Variants in CACNG2 observed in about 807,000 individuals in gnomAD.
The protein encoded by CACNG2 is calcium voltage-gated channel auxiliary subunit gamma 2.
CACNG2 carries 3 observed loss-of-function variants against 25.9 expected under a neutral mutation model. The observed-to-expected ratio is 0.12, with a 90% CI of 0.05 to 0.30. The LOEUF is 0.30. Ranked by LOEUF, CACNG2 falls within the 10% of genes least tolerant of loss-of-function variation. The pLI is 1.00. For synonymous variants in CACNG2, 167 were observed against 173.3 expected (o/e 0.96, Z 0.29); for missense variants, 341 against 432.5 (o/e 0.79, Z 1.88).
At chr22:36,565,625 C>A (rs928208001) in intron 3 of CACNG2, among the ~76,000 whole-genome samples, 12 of 152,116 alleles carry the variant, frequency 7.9e-5, no homozygotes, top group African/African-American at 2.9e-4. Flanking sequence ...ATTATGTATG[C>A]GTCACCATGC....
intron 1 of CACNG2, among the ~76,000 whole-genome samples, chr22:36,644,690 AT>A (rs1271482900): frequency 2.0e-5 from 3 of 152,246 alleles, no homozygotes; most frequent in African/African-American, 7.2e-5. Flanking sequence ...TAAAATGGAA[AT>A]AATAATAATA....
chr22:36,595,727 C>T (rs1220431342), intron 1 of CACNG2, among the ~76,000 whole-genome samples: 1 of 152,174 alleles, frequency 6.6e-6, no homozygotes, highest in African/African-American at 2.4e-5. Flanking sequence ...GACTCTCCCA[C>T]CATGAACTAT....
rs34178354 is a variant in CACNG2, at chr22:36,606,757, CGT to C, written c.212-19211_212-19210del. 0.26 allele frequency among the ~76,000 whole-genome samples: 38,654 copies of C among 147,768 alleles called. 5,208 individuals are homozygous for C. The highest frequency in any genetic ancestry group is 0.48 in the East Asian group (2,426 of 5,006). ...ACGGAAACCAGACGGTTGGGCTGTG[CGT>C]GTGTGTGTGTGTGTGTGTGTATGTG... On this transcript the variant is annotated intron_variant, in intron 1 of 3. Coordinates refer to ENST00000300105, the MANE Select transcript of CACNG2 (RefSeq NM_006078.5). The surrounding 1 kb of genome is among the most constrained non-coding windows in gnomAD (Gnocchi z 5.7).
chr22:36,588,067 G>T (rs1242023836), intron 1 of CACNG2, among the ~76,000 whole-genome samples: 2 of 152,196 alleles, frequency 1.3e-5, no homozygotes, highest in African/African-American at 4.8e-5. Flanking sequence ...ACCAAACCCA[G>T]CCGCCAACTG....
At chr22:36,576,804 G>A (rs1935324147) in intron 2 of CACNG2, among the ~76,000 whole-genome samples, 1 of 152,156 alleles carries the variant, frequency 6.6e-6, no homozygotes, top group African/African-American at 2.4e-5. Flanking sequence ...TGGGGACACT[G>A]ATCATCTCAC....
chr22:36,564,323 C>A lies in CACNG2; in HGVS notation c.*28G>T. On this transcript the variant is annotated 3_prime_UTR_variant, in exon 4 of 4. Transcript: ENST00000300105. The surrounding 1 kb of genome is among the most constrained non-coding windows in gnomAD (Gnocchi z 6.7). ...GCCCCCGGGGACCGCGCCCTCCTCC[C>A]GCGGTCTTCTGGCGAGGCCCGCGGT... is the stretch of plus-strand genomic sequence containing the variant. 1 of 1,596,858 alleles carries A rather than the reference C, an allele frequency of 6.3e-7. No individual in the cohort carries two copies. The highest frequency in any genetic ancestry group is 2.3e-5 in the East Asian group (1 of 44,254).
chr22:36,682,962 A>G (rs1294668415), intron 1 of CACNG2, among the ~76,000 whole-genome samples: 4 of 152,178 alleles, frequency 2.6e-5, no homozygotes, highest in Non-Finnish European at 5.9e-5. Context: ...CTGGCTATTA[A>G]AATCCCATCA....
intron 1 of CACNG2, among the ~76,000 whole-genome samples, chr22:36,636,880 T>C (rs1234127789): frequency 6.6e-6 from 1 of 152,232 alleles, no homozygotes; most frequent in Non-Finnish European, 1.5e-5. Flanking sequence ...TTGCTTGTAA[T>C]GCAGAGAAGA....
chr22:36,670,183 G>A (rs759163877), intron 1 of CACNG2, among the ~76,000 whole-genome samples: 10 of 152,182 alleles, frequency 6.6e-5, no homozygotes, highest in South Asian at 2.1e-4. Context: ...TGTGAGCAGC[G>A]TTGGATGCTG....
At chr22:36,674,984 C>T (rs754504976) in intron 1 of CACNG2, among the ~76,000 whole-genome samples, 23 of 152,338 alleles carry the variant, frequency 1.5e-4, no homozygotes, top group Middle Eastern at 3.4e-3. Context: ...CAGTGCCTGG[C>T]ACATAGTAAG....
chr22:36,700,063 C>T (rs1234004887), intron 1 of CACNG2, among the ~76,000 whole-genome samples: 1 of 152,262 alleles, frequency 6.6e-6, no homozygotes, highest in Admixed American at 6.5e-5. Flanking sequence ...CTGAGGAGAG[C>T]CTGGCAGGGC....
At chr22:36,611,715 G>A (rs759410384) in intron 1 of CACNG2, among the ~76,000 whole-genome samples, 9 of 152,288 alleles carry the variant, frequency 5.9e-5, no homozygotes, top group East Asian at 1.9e-4. Flanking sequence ...GACCAGCCGC[G>A]GGTCTCCAGG....
chr22:36,644,489 C>A (rs1432208958), intron 1 of CACNG2, among the ~76,000 whole-genome samples: 2 of 152,196 alleles, frequency 1.3e-5, no homozygotes, highest in African/African-American at 4.8e-5. Context: ...TTGCCACTGA[C>A]TCACCACTCC....
chr22:36,602,876 C>T (rs188436000), intron 1 of CACNG2, among the ~76,000 whole-genome samples: 1,708 of 152,054 alleles, frequency 0.011, 23 homozygotes, highest in African/African-American at 0.039. Flanking sequence ...TCCTTGGACC[C>T]CCCTATTCTC....
At chr22:36,580,803 G>C (rs1384809923) in intron 2 of CACNG2, among the ~76,000 whole-genome samples, 1 of 151,998 alleles carries the variant, frequency 6.6e-6, no homozygotes, top group African/African-American at 2.4e-5. Flanking sequence ...AATCACAATA[G>C]GACAGCTAGG....
chr22:36,614,177 T>A (rs1935988206), intron 1 of CACNG2, among the ~76,000 whole-genome samples: 1 of 152,196 alleles, frequency 6.6e-6, no homozygotes, highest in Non-Finnish European at 1.5e-5. Flanking sequence ...GCTGCTTTGA[T>A]CTTCAGAAAC....
intron 1 of CACNG2, among the ~76,000 whole-genome samples, chr22:36,616,060 A>C (rs1936018076): frequency 6.6e-6 from 1 of 152,188 alleles, no homozygotes; most frequent in Admixed American, 6.5e-5. Context: ...CTCAACTCAG[A>C]AACTTATGTC....
chr22:36,638,397 C>T (rs1936392107), intron 1 of CACNG2, among the ~76,000 whole-genome samples: 2 of 152,208 alleles, frequency 1.3e-5, no homozygotes, highest in African/African-American at 2.4e-5. Context: ...CTGCCTGTGT[C>T]TCTACCTCTG....
chr22:36,624,778 C>T (rs569411972), intron 1 of CACNG2, among the ~76,000 whole-genome samples: 82 of 152,018 alleles, frequency 5.4e-4, no homozygotes, highest in Non-Finnish European at 8.4e-4. Flanking sequence ...GCCTGTAATC[C>T]CAGGACTTTG....
Sources: allele counts gnomAD v4.1 joint callset (sites outside exome capture counted in the v4.1 genomes callset), GRCh38; gene constraint gnomAD v4.1.1; non-coding constraint Gnocchi (gnomAD v3.1); transcripts MANE v1.5; gene names NCBI Gene and HGNC (gene_info 2026-07-23, HGNC 2026-07-21).